NOS1AP: variants seen among roughly 807,000 people sequenced by gnomAD.
NOS1AP encodes nitric oxide synthase 1 adaptor protein, also known as carboxyl-terminal PDZ ligand of neuronal nitric oxide synthase protein.
A neutral mutation model predicts 56.2 loss-of-function variants in NOS1AP; 21 were observed. The observed-to-expected ratio is 0.37, with a 90% CI of 0.26 to 0.54. The LOEUF (loss-of-function observed/expected upper bound fraction) is 0.54, where lower values mean the gene tolerates loss of function less well. Ranked by LOEUF, NOS1AP falls within the 20% of genes least tolerant of loss-of-function variation. The pLI is 0.84. For missense variants in NOS1AP, 522 were observed against 657.8 expected (o/e 0.79, Z 2.26); for synonymous variants, 270 against 274.6 (o/e 0.98, Z 0.17).
At chr1:162,178,734 G>A (rs1405671820) in intron 2 of NOS1AP, among the ~76,000 whole-genome samples, 1 of 152,226 alleles carries the variant, frequency 6.6e-6, no homozygotes, top group South Asian at 2.1e-4. Context: ...AGGGTTGCCC[G>A]TCAGTTTATG....
intron 1 of NOS1AP, among the ~76,000 whole-genome samples, chr1:162,100,440 A>C (rs1692358431): frequency 6.6e-6 from 1 of 152,154 alleles, no homozygotes; most frequent in South Asian, 2.1e-4. Flanking sequence ...TCTTTTGAGA[A>C]GTGTCTGTTC....
chr1:162,294,607 T>C (rs2101747141), intron 3 of NOS1AP, among the ~76,000 whole-genome samples: 1 of 152,272 alleles, frequency 6.6e-6, no homozygotes, highest in East Asian at 1.9e-4. Context: ...TCTCGCTGAC[T>C]TTTAAAAATA....
intron 1 of NOS1AP, among the ~76,000 whole-genome samples, chr1:162,137,392 C>T (rs529758387): frequency 5.3e-5 from 8 of 151,962 alleles, no homozygotes; most frequent in African/African-American, 1.7e-4. Flanking sequence ...TCTGGATTGG[C>T]GTGTGCCTCT....
intron 1 of NOS1AP, among the ~76,000 whole-genome samples, chr1:162,096,469 T>G (rs369422218): frequency 1.3e-5 from 2 of 152,308 alleles, no homozygotes; most frequent in South Asian, 2.1e-4. Flanking sequence ...ATAAAGATCA[T>G]GTAGGTATCC....
intron 2 of NOS1AP, among the ~76,000 whole-genome samples, chr1:162,273,541 C>G (rs1015820624): frequency 1.3e-5 from 2 of 152,108 alleles, no homozygotes; most frequent in Non-Finnish European, 2.9e-5. Flanking sequence ...AGAGGGTATC[C>G]CTCACATTCA....
Position 162,088,042 on chromosome 1 carries a change from G to A in NOS1AP, c.105+17760G>A, listed in dbSNP as rs140144559. On this transcript the variant is annotated intron_variant, in intron 1 of 9. Transcript: ENST00000361897. ...ATTGCAGCCAAAAGAGAAGTATTTT[G>A]AAAAGCATCAGAACTCTATAGGGTC... Among the ~76,000 whole-genome samples the A allele has an allele frequency of 1.0e-3, 158 of 152,166 alleles. 1 individual carries two copies. The highest frequency in any genetic ancestry group is 3.6e-3 in the African/African-American group (151 of 41,526).
At chr1:162,260,160 T>C (rs1654162345) in intron 2 of NOS1AP, among the ~76,000 whole-genome samples, 1 of 152,072 alleles carries the variant, frequency 6.6e-6, no homozygotes, top group Non-Finnish European at 1.5e-5. Context: ...GGGTCTGTTG[T>C]CAGAAACTTG....
At chr1:162,352,670 G>T (rs1175801755) in intron 6 of NOS1AP, among the ~76,000 whole-genome samples, 1 of 151,958 alleles carries the variant, frequency 6.6e-6, no homozygotes, top group Non-Finnish European at 1.5e-5. Context: ...CTGCCTTTTT[G>T]CTGTGTCCTC....
chr1:162,124,047 A>AGT (rs1465095749), intron 1 of NOS1AP, among the ~76,000 whole-genome samples: 5 of 152,238 alleles, frequency 3.3e-5, no homozygotes, highest in Non-Finnish European at 1.5e-5. Context: ...AATCCAGGCT[A>AGT]GTGTAATACA....
chr1:162,100,922 C>A (rs1486217153), intron 1 of NOS1AP, among the ~76,000 whole-genome samples: 7 of 152,114 alleles, frequency 4.6e-5, no homozygotes, highest in Non-Finnish European at 1.0e-4. Context: ...TTTCACTTTG[C>A]GGAAGCTCTT....
chr1:162,124,219 A>G (rs999507026), intron 1 of NOS1AP, among the ~76,000 whole-genome samples: 3 of 152,064 alleles, frequency 2.0e-5, no homozygotes, highest in Admixed American at 2.0e-4. Flanking sequence ...TTTAGTGTAC[A>G]TATCACTCGA....
intron 4 of NOS1AP, among the ~76,000 whole-genome samples, chr1:162,326,051 C>A (rs982159492): frequency 6.6e-6 from 1 of 152,212 alleles, no homozygotes; most frequent in African/African-American, 2.4e-5. Context: ...GTTGTCGCAT[C>A]TGAACCTTAT....
In NOS1AP at chr1:162,349,785, C is replaced by T. The variant is rs142077623; in HGVS notation, c.596-5402C>T. 3.5e-3 allele frequency among the ~76,000 whole-genome samples: 530 copies of T among 152,258 alleles called. 4 individuals carry two copies. The highest frequency in any genetic ancestry group is 0.012 in the African/African-American group (502 of 41,542). On this transcript the variant is annotated intron_variant, in intron 6 of 9. Coordinates refer to ENST00000361897, the MANE Select transcript of NOS1AP (RefSeq NM_014697.3). The stretch of plus-strand genomic sequence containing the variant: ...GGCCTCTCCAGTACTGATTTTATGA[C>T]GGGTCCAAGTGAAATGATTAACTGG...
intron 1 of NOS1AP, among the ~76,000 whole-genome samples, chr1:162,148,782 A>C (rs761745999): frequency 9.9e-5 from 15 of 152,236 alleles, no homozygotes; most frequent in Non-Finnish European, 2.1e-4. Flanking sequence ...GCAGAGGGCC[A>C]TGTGGGTACT....
chr1:162,288,356 C>T (rs923480313), intron 3 of NOS1AP, among the ~76,000 whole-genome samples: 3 of 152,150 alleles, frequency 2.0e-5, no homozygotes, highest in African/African-American at 4.8e-5. Context: ...AAATCTCAGT[C>T]ACTCTTAATT....
chr1:162,359,693 A>C (rs548468561), intron 8 of NOS1AP, among the ~76,000 whole-genome samples: 2 of 151,210 alleles, frequency 1.3e-5, no homozygotes, highest in East Asian at 3.9e-4. Context: ...AAATAGACCA[A>C]GTATAGCAAG....
chr1:162,318,807 C>G (rs1007461068), intron 4 of NOS1AP, among the ~76,000 whole-genome samples: 1 of 152,234 alleles, frequency 6.6e-6, no homozygotes, highest in South Asian at 2.1e-4. Context: ...CTTCTCAAAT[C>G]TGACCTGTCC....
chr1:162,219,664 C>G (rs942931253), intron 2 of NOS1AP, among the ~76,000 whole-genome samples: 1 of 152,206 alleles, frequency 6.6e-6, no homozygotes, highest in Non-Finnish European at 1.5e-5. Flanking sequence ...GTTGCCCCCA[C>G]CAGGGTTCTA....
At chr1:162,070,359 G>A (rs990771629) in intron 1 of NOS1AP, 77 bp downstream of exon 1, 5 of 1,242,134 alleles carry the variant, frequency 4.0e-6, no homozygotes, top group Admixed American at 1.8e-5. Context: ...ATGCACAGCC[G>A]TCCTGGACCC....
Sources: gnomAD v4.1 joint callset for allele counts (sites outside exome capture counted in the v4.1 genomes callset) on GRCh38, gnomAD v4.1.1 for gene constraint, MANE v1.5 for transcripts, NCBI Gene and HGNC (gene_info 2026-07-23, HGNC 2026-07-21) for gene names.